KCNAB1: variants seen among roughly 807,000 people sequenced by gnomAD.
KCNAB1 encodes potassium voltage-gated channel subfamily A regulatory beta subunit 1.
Under a neutral mutation model 64.6 loss-of-function variants are expected in KCNAB1, and 35 were observed. The observed-to-expected ratio is 0.54, with a 90% CI of 0.41 to 0.72. The LOEUF (loss-of-function observed/expected upper bound fraction) is 0.72. Ranked by LOEUF, KCNAB1 falls within the 30% of genes least tolerant of loss-of-function variation. The probability of loss-of-function intolerance (pLI) is 0.00; values close to 1 mark genes in which losing one functional copy is unlikely to be tolerated. For missense variants in KCNAB1, 401 were observed against 512.9 expected (o/e 0.78, Z 2.11); for synonymous variants, 177 against 183.8 (o/e 0.96, Z 0.30).
intron 1 of KCNAB1, among the ~76,000 whole-genome samples, chr3:156,147,661 C>T (rs754720365): frequency 1.3e-5 from 2 of 151,782 alleles, no homozygotes; most frequent in African/African-American, 2.4e-5. Context: ...CTTGAGCTGA[C>T]GGCAGGGAGA....
At chr3:156,421,260 G>A (rs1414918182) in intron 1 of KCNAB1, among the ~76,000 whole-genome samples, 3 of 152,142 alleles carry the variant, frequency 2.0e-5, no homozygotes, top group African/African-American at 7.2e-5. Context: ...GACAAATAAT[G>A]AATGAATGGT....
rs537576890 is a variant in KCNAB1, at chr3:156,385,527, AT to A, written c.276-36086del. ...TTTAATATGCTTTTCAAAAAAGCATATTTAAAACATTATTTCAAAATTAAAT... is the reference window on the plus strand; with the variant it reads ...TTTAATATGCTTTTCAAAAAAGCATATTAAAACATTATTTCAAAATTAAAT... On this transcript the variant is annotated intron_variant, in intron 1 of 13. Transcript: ENST00000490337. 8.1e-4 allele frequency among the ~76,000 whole-genome samples: 124 copies of A among 152,320 alleles called. 2 individuals carry two copies. The highest frequency in any genetic ancestry group is 2.8e-3 in the African/African-American group (115 of 41,582).
intron 1 of KCNAB1, among the ~76,000 whole-genome samples, chr3:156,127,181 T>G (rs1713708897): frequency 6.6e-6 from 1 of 152,174 alleles, no homozygotes; most frequent in Non-Finnish European, 1.5e-5. Flanking sequence ...ATCAGTAAGA[T>G]GGTATCAGGG....
intron 1 of KCNAB1, among the ~76,000 whole-genome samples, chr3:156,179,025 A>AAC (rs1712600106): frequency 7.0e-6 from 1 of 141,870 alleles, no homozygotes; most frequent in African/African-American, 2.5e-5. Flanking sequence ...AAAAAAAAAA[A>AAC]AATTGATTAT....
intron 1 of KCNAB1, among the ~76,000 whole-genome samples, chr3:156,234,034 A>C (rs1289150570): frequency 6.6e-6 from 1 of 151,954 alleles, no homozygotes; most frequent in Non-Finnish European, 1.5e-5. Flanking sequence ...AGAGATGGAA[A>C]TGAGGGAGGC....
intron 1 of KCNAB1, among the ~76,000 whole-genome samples, chr3:156,156,649 C>G (rs1453498692): frequency 4.6e-5 from 7 of 152,124 alleles, no homozygotes; most frequent in Admixed American, 4.6e-4. Context: ...TTGGGACCAA[C>G]AAGTTGCCCT....
rs1717553987 is a variant in KCNAB1, at chr3:156,516,289, G to T, written c.885G>T (p.Trp295Cys). Residue 295 changes from tryptophan (W) to cysteine (C), a missense_variant, in exon 11 of 14, where the codon TGG becomes TGT. Trp to Cys is a radical substitution (Grantham distance 215). Coordinates refer to ENST00000490337, the MANE Select transcript of KCNAB1 (RefSeq NM_172160.3). ...YHKIGVGAMT[W>C]SPLACGIISG... The stretch of plus-strand genomic sequence containing the variant: ...CTGTAGGTGTTGGCGCAATGACATG[G>T]TCTCCACTTGCCTGTGGAATCATCT... 1 of 1,613,856 alleles carries T rather than the reference G, an allele frequency of 6.2e-7. No homozygotes were observed. Among genetic ancestry groups the T allele is most frequent in the African/African-American group, 1.3e-5 (1 of 74,918 alleles).
intron 8 of KCNAB1, among the ~76,000 whole-genome samples, chr3:156,481,382 A>G (rs1031723953): frequency 2.6e-5 from 4 of 151,094 alleles, no homozygotes; most frequent in African/African-American, 9.8e-5. Flanking sequence ...TGATTTTCAT[A>G]TCCAAGAAGA....
At chr3:156,145,581 G>A (rs1349576480) in intron 1 of KCNAB1, among the ~76,000 whole-genome samples, 1 of 152,150 alleles carries the variant, frequency 6.6e-6, no homozygotes, top group African/African-American at 2.4e-5. Flanking sequence ...AGGAAAAAGA[G>A]GGTGGGCAGG....
At chr3:156,360,746 A>G (rs933489357) in intron 1 of KCNAB1, among the ~76,000 whole-genome samples, 8 of 151,596 alleles carry the variant, frequency 5.3e-5, no homozygotes, top group Admixed American at 5.3e-4. Flanking sequence ...AAAAAGAAAA[A>G]CCAAAATGTT....
intron 1 of KCNAB1, among the ~76,000 whole-genome samples, chr3:156,368,787 GC>G (rs1261059010): frequency 6.6e-6 from 1 of 152,134 alleles, no homozygotes; most frequent in Non-Finnish European, 1.5e-5. Flanking sequence ...CTAACACAGT[GC>G]CCCGTGTACA....
intron 8 of KCNAB1, among the ~76,000 whole-genome samples, chr3:156,482,260 GA>G (rs201241230): frequency 6.3e-5 from 9 of 143,438 alleles, no homozygotes; most frequent in East Asian, 4.2e-4. Flanking sequence ...GATGTCTCTA[GA>G]AAAAAAAAAC....
intron 1 of KCNAB1, among the ~76,000 whole-genome samples, chr3:156,122,229 A>T (rs532753349): frequency 1.3e-5 from 2 of 152,342 alleles, no homozygotes; most frequent in Non-Finnish European, 2.9e-5. Flanking sequence ...TGTTAGTGTT[A>T]CATATCTCAT....
At chr3:156,164,359 C>CG (rs1560115361) in intron 1 of KCNAB1, among the ~76,000 whole-genome samples, 1 of 152,120 alleles carries the variant, frequency 6.6e-6, no homozygotes. Context: ...CCAATGAGGC[C>CG]GCTCTCTTGA....
chr3:156,318,855 CTG>C (rs1295007463), intron 1 of KCNAB1, among the ~76,000 whole-genome samples: 1 of 152,170 alleles, frequency 6.6e-6, no homozygotes, highest in Non-Finnish European at 1.5e-5. Flanking sequence ...TTCAAGTTCT[CTG>C]TGCTGCAGAC....
chr3:156,516,195 C>T (rs776755462), intron 10 of KCNAB1, 75 bp from the exon 11 acceptor site: 18 of 974,342 alleles, frequency 1.8e-5, no homozygotes, highest in South Asian at 5.3e-5. Context: ...TCTGTTTAAA[C>T]ACTACTGCCC....
intron 8 of KCNAB1, among the ~76,000 whole-genome samples, chr3:156,489,317 G>A (rs1000128308): frequency 2.0e-5 from 3 of 152,124 alleles, no homozygotes; most frequent in African/African-American, 4.8e-5. Context: ...AGCGTGTAAT[G>A]TTCAAGAAAG....
chr3:156,344,614 A>T (rs1258281409), intron 1 of KCNAB1, among the ~76,000 whole-genome samples: 1 of 152,226 alleles, frequency 6.6e-6, no homozygotes, highest in African/African-American at 2.4e-5. Context: ...AATATCAGAT[A>T]ATAAGTTCCT....
intron 7 of KCNAB1, among the ~76,000 whole-genome samples, chr3:156,470,695 A>T (rs970819934): frequency 6.6e-6 from 1 of 152,204 alleles, no homozygotes; most frequent in South Asian, 2.1e-4. Flanking sequence ...ACCCACTGCC[A>T]TTGTTTTTGG....
Sources: gnomAD v4.1 joint callset for allele counts (sites outside exome capture counted in the v4.1 genomes callset) on GRCh38, gnomAD v4.1.1 for gene constraint, MANE v1.5 for transcripts, NCBI Gene and HGNC (gene_info 2026-07-23, HGNC 2026-07-21) for gene names.